RXFP1: variants seen among roughly 807,000 people sequenced by gnomAD.
The protein encoded by RXFP1 is relaxin receptor 1.
RXFP1 carries 73 observed loss-of-function variants against 89.8 expected under a neutral mutation model. The observed-to-expected ratio is 0.81, with a 90% CI of 0.67 to 0.99. The LOEUF (loss-of-function observed/expected upper bound fraction) is 0.99. RXFP1 is among the 50% of genes least tolerant of loss of function. RXFP1 has a pLI of 0.00. For synonymous variants in RXFP1, 277 were observed against 305.5 expected, an observed-to-expected ratio of 0.91 and a Z score of 0.97; for missense variants, 793 against 895.5, an observed-to-expected ratio of 0.89 and a Z score of 1.46.
At chr4:158,629,388 G>A (rs1178694795) in intron 11 of RXFP1, among the ~76,000 whole-genome samples, 1 of 152,126 alleles carries the variant, frequency 6.6e-6, no homozygotes, top group African/African-American at 2.4e-5. Context: ...AGACACTACT[G>A]TGGATAATAT....
rs1773026139 is a variant in RXFP1, at chr4:158,653,240, T to A, written c.*1185T>A. ...CTTTAAGCAGGAGAAGAAAATGTTT[T>A]CAGATAGTTTCAAATACACCAAAAA... On this transcript the variant is annotated 3_prime_UTR_variant, in exon 18 of 18. Transcript: ENST00000307765. The A allele has an allele frequency of 6.6e-6, 1 of 152,244 alleles. No individual in the cohort carries two copies. Among genetic ancestry groups the A allele is most frequent in the Non-Finnish European group, 1.5e-5 (1 of 68,048 alleles). 9.4% of individuals were successfully genotyped at this position (152,244 alleles called of 1,614,324 possible). A position where few individuals can be genotyped will look rare whatever the true frequency, so the allele number is the denominator to read the frequency against.
intron 1 of RXFP1, among the ~76,000 whole-genome samples, chr4:158,568,726 C>T (rs917101535): frequency 1.3e-5 from 2 of 152,162 alleles, no homozygotes; most frequent in African/African-American, 4.8e-5. Flanking sequence ...TGTCCTTCAT[C>T]AAACTATGTG....
chr4:158,597,414 C>G (rs1361485928), intron 3 of RXFP1, among the ~76,000 whole-genome samples: 1 of 152,154 alleles, frequency 6.6e-6, no homozygotes, highest in African/African-American at 2.4e-5. Context: ...CATTCAGAAG[C>G]TACCAGCATT....
At chr4:158,637,524 TTA>T (rs1308448304) in intron 12 of RXFP1, among the ~76,000 whole-genome samples, 2 of 152,216 alleles carry the variant, frequency 1.3e-5, no homozygotes, top group African/African-American at 4.8e-5. Flanking sequence ...TGTTAGTCAT[TTA>T]TATGTCTTCT....
intron 1 of RXFP1, among the ~76,000 whole-genome samples, chr4:158,523,276 C>T (rs1161849011): frequency 6.6e-6 from 1 of 152,094 alleles, no homozygotes; most frequent in East Asian, 1.9e-4. Flanking sequence ...TTTTACCATC[C>T]CTATTCCATT....
At chr4:158,554,685 A>G (rs1399141735) in intron 1 of RXFP1, among the ~76,000 whole-genome samples, 2 of 151,908 alleles carry the variant, frequency 1.3e-5, no homozygotes, top group Non-Finnish European at 2.9e-5. Context: ...TTAGCAAATT[A>G]TTTACACACT....
rs143388914 is a variant in RXFP1, at chr4:158,586,068, C to T, written c.188-7333C>T. Reference sequence around the variant, plus strand: ...CTTGCTTTAAGACTAACCTAGGCCACTTATGAAAAATATAGATTTCCCAGA... The same window carrying T: ...CTTGCTTTAAGACTAACCTAGGCCATTTATGAAAAATATAGATTTCCCAGA... On this transcript the variant is annotated intron_variant, in intron 2 of 17. Coordinates refer to ENST00000307765, the MANE Select transcript of RXFP1 (RefSeq NM_021634.4). 1.1e-4 allele frequency among the ~76,000 whole-genome samples: 17 copies of T among 152,314 alleles called. No homozygotes were observed. In the East Asian group the frequency reaches 1.3e-3, roughly 12 times the overall value.
chr4:158,538,616 C>G (rs1745840368), intron 1 of RXFP1, among the ~76,000 whole-genome samples: 1 of 152,060 alleles, frequency 6.6e-6, no homozygotes, highest in African/African-American at 2.4e-5. Flanking sequence ...GAGTTCGAGA[C>G]CAGCCTGACC....
intron 1 of RXFP1, among the ~76,000 whole-genome samples, chr4:158,561,679 G>A (rs1426966535): frequency 7.1e-6 from 1 of 140,912 alleles, no homozygotes; most frequent in Non-Finnish European, 1.5e-5. Flanking sequence ...CCAGGCTGGA[G>A]TGCAGTGGTG....
At chr4:158,596,647 A>C (rs1000325907) in intron 3 of RXFP1, among the ~76,000 whole-genome samples, 2 of 152,240 alleles carry the variant, frequency 1.3e-5, no homozygotes, top group Admixed American at 1.3e-4. Context: ...TACAGCTACT[A>C]AAAGCCTTAA....
chr4:158,596,306 C>T (rs1361417440), intron 3 of RXFP1, among the ~76,000 whole-genome samples: 1 of 150,214 alleles, frequency 6.7e-6, no homozygotes, highest in Non-Finnish European at 1.5e-5. Context: ...TCTTGTTGCC[C>T]AGACTGGAGT....
At chr4:158,621,091 T>G (rs1765540328) in intron 9 of RXFP1, among the ~76,000 whole-genome samples, 1 of 151,824 alleles carries the variant, frequency 6.6e-6, no homozygotes, top group Admixed American at 6.6e-5. Context: ...TGAGCTGAGA[T>G]CACACCATTG....
intron 2 of RXFP1, among the ~76,000 whole-genome samples, chr4:158,593,114 A>AAAC (rs1759849884): frequency 7.1e-6 from 1 of 139,976 alleles, no homozygotes; most frequent in African/African-American, 3.1e-5. Flanking sequence ...AACAAACAAA[A>AAAC]AAAACTGGAG....
At chr4:158,551,183 A>G (rs1370484673) in intron 1 of RXFP1, among the ~76,000 whole-genome samples, 1 of 152,230 alleles carries the variant, frequency 6.6e-6, no homozygotes, top group East Asian at 1.9e-4. Context: ...GAACCTAGAC[A>G]GCATTATGCT....
chr4:158,616,978 G>C, intron 8 of RXFP1, among the ~76,000 whole-genome samples, 153 bp from the exon 9 acceptor site: 1 of 142,814 alleles, frequency 7.0e-6, no homozygotes. Flanking sequence ...CAGCCTGAGT[G>C]CCTCCATCTC....
chr4:158,611,679 G>A (rs1271729768), intron 6 of RXFP1, among the ~76,000 whole-genome samples: 2 of 152,240 alleles, frequency 1.3e-5, no homozygotes. Context: ...CCTTCTCCTG[G>A]CTCCTCATTC....
chr4:158,634,279 T>C (rs1419820928), intron 12 of RXFP1, among the ~76,000 whole-genome samples: 2 of 152,202 alleles, frequency 1.3e-5, no homozygotes, highest in Non-Finnish European at 2.9e-5. Context: ...TTAGTGATGT[T>C]GAGCAACTTT....
In RXFP1 at chr4:158,591,385, G is replaced by A. The variant is rs146009301; in HGVS notation, c.188-2016G>A. Among the ~76,000 whole-genome samples, 7 of 152,240 alleles carry A rather than the reference G, an allele frequency of 4.6e-5. No homozygotes were observed. In the East Asian group the frequency reaches 9.6e-4, roughly 21 times the overall value. ...AGGCACCTTGAACTTGTTCCTGGGT[G>A]TTCAGGGGCTGGTATTTGCTGGTTT... On this transcript the variant is annotated intron_variant, in intron 2 of 17. Transcript: ENST00000307765.
intron 1 of RXFP1, among the ~76,000 whole-genome samples, chr4:158,534,735 G>A (rs950107226): frequency 6.6e-6 from 1 of 151,698 alleles, no homozygotes; most frequent in African/African-American, 2.4e-5. Context: ...ATTTGTCAAT[G>A]TCACGGGCAC....
Sources: gnomAD v4.1 joint callset for allele counts (sites outside exome capture counted in the v4.1 genomes callset) on GRCh38, gnomAD v4.1.1 for gene constraint, MANE v1.5 for transcripts, NCBI Gene and HGNC (gene_info 2026-07-23, HGNC 2026-07-21) for gene names.